Variants in CFAP20DC observed in about 807,000 individuals in gnomAD.
CFAP20DC encodes the protein protein CFAP20DC.
In CFAP20DC, 84 loss-of-function variants were observed where a neutral mutation model predicts 101.7. That is an observed-to-expected ratio of 0.83 (90% CI 0.69 to 0.99). The LOEUF (loss-of-function observed/expected upper bound fraction) is 0.99. Among genes scored for constraint, CFAP20DC ranks in the 50% least tolerant of loss-of-function variants. The pLI, the probability that CFAP20DC is intolerant of heterozygous loss-of-function variation, is 0.00. For missense variants in CFAP20DC, 1,007 were observed against 970.3 expected (o/e 1.04, Z -0.50); for synonymous variants, 359 against 351.2 (o/e 1.02, Z -0.25).
intron 13 of CFAP20DC, among the ~76,000 whole-genome samples, chr3:58,841,332 A>G (rs748591509): frequency 1.3e-5 from 2 of 152,198 alleles, no homozygotes; most frequent in Non-Finnish European, 2.9e-5. Context: ...GCAAATGGAA[A>G]GAGAGAGAGA....
chr3:59,039,805 GAAAA>G, intron 3 of CFAP20DC, among the ~76,000 whole-genome samples, 176 bp from the exon 4 acceptor site: 1 of 152,076 alleles, frequency 6.6e-6, no homozygotes, highest in East Asian at 1.9e-4. Flanking sequence ...AAAAATTGAT[GAAAA>G]TAAAATCAAA....
chr3:58,968,225 C>G (rs1235177756), intron 4 of CFAP20DC, among the ~76,000 whole-genome samples: 8 of 152,034 alleles, frequency 5.3e-5, no homozygotes, highest in Non-Finnish European at 1.0e-4. Flanking sequence ...GGATATATAC[C>G]CAGAAATGGG....
intron 16 of CFAP20DC, 80 bp downstream of exon 16, chr3:58,753,689 G>A: frequency 1.1e-6 from 1 of 918,868 alleles, no homozygotes; most frequent in Non-Finnish European, 1.7e-6. Context: ...AAAAACAGTG[G>A]CATCTCAAAG....
chr3:59,031,233 T>A (rs2093989272), intron 4 of CFAP20DC, among the ~76,000 whole-genome samples: 1 of 152,172 alleles, frequency 6.6e-6, no homozygotes, highest in African/African-American at 2.4e-5. Flanking sequence ...AAAAGAGGGC[T>A]CATCGGCAAA....
At position 58,742,546 on chromosome 3, in the gene CFAP20DC, C is replaced by T; in HGVS notation, c.2359G>A (p.Asp787Asn). ...QGEEDLSVEE[D>N]EEVLTLLYDP... ...TACAACAAAGTCAGTACTTCCTCGT[C>T]CTCTTCCACACTGAGGTCTTCTTCA... The change falls in exon 17 of 17, where the codon GAC becomes AAC. Residue 787 changes from aspartate (D) to asparagine (N), a missense_variant. By Grantham distance (23) the Asp-to-Asn change is conservative (BLOSUM62 1). Transcript: ENST00000482387. 6.2e-7 allele frequency: 1 copy of T among 1,606,602 alleles called. No homozygotes were observed. The highest frequency in any genetic ancestry group is 1.1e-5 in the South Asian group (1 of 89,434).
chr3:58,742,970 G>A (rs1173489140), intron 16 of CFAP20DC, among the ~76,000 whole-genome samples: 1 of 152,140 alleles, frequency 6.6e-6, no homozygotes, highest in Non-Finnish European at 1.5e-5. Context: ...GCAAAACAGT[G>A]CAAACTAACT....
At chr3:59,043,912 G>T (rs1699636349) in intron 3 of CFAP20DC, among the ~76,000 whole-genome samples, 1 of 152,016 alleles carries the variant, frequency 6.6e-6, no homozygotes, top group African/African-American at 2.4e-5. Flanking sequence ...CAAACTTATT[G>T]AACACCAACC....
chr3:58,955,161 G>T (rs1255889825), intron 4 of CFAP20DC, among the ~76,000 whole-genome samples: 1 of 151,896 alleles, frequency 6.6e-6, no homozygotes, highest in Admixed American at 6.6e-5. Context: ...GACCAAGAAG[G>T]GCAGAACAAA....
rs1246798385 is a variant in CFAP20DC, at chr3:58,971,618, T to C, written c.279-33856A>G. The stretch of plus-strand genomic sequence containing the variant: ...ACATGGATATTCATGGTAACACTAA[T>C]AGCAAAACAGAGGGAAAACTTGGAG... On this transcript the variant is annotated intron_variant, in intron 4 of 16. Transcript: ENST00000482387. This position sits in a 1 kb window ranked among gnomAD's most constrained non-coding sequence, Gnocchi z 4.1. Among the ~76,000 whole-genome samples the C allele has an allele frequency of 1.3e-5, 2 of 152,080 alleles. No homozygotes were observed. Among genetic ancestry groups the C allele is most frequent in the African/African-American group, 2.4e-5 (1 of 41,396 alleles).
At chr3:58,880,753 CTT>C (rs1261404480) in intron 7 of CFAP20DC, among the ~76,000 whole-genome samples, 1 of 152,066 alleles carries the variant, frequency 6.6e-6, no homozygotes, top group Non-Finnish European at 1.5e-5. Context: ...TTATTTCACA[CTT>C]AAAATTTTTT....
At chr3:58,763,891 C>T (rs956692499) in intron 15 of CFAP20DC, among the ~76,000 whole-genome samples, 5 of 152,206 alleles carry the variant, frequency 3.3e-5, no homozygotes, top group Admixed American at 6.5e-5. Context: ...CTGATAGTTC[C>T]TCTGGAAGTT....
intron 5 of CFAP20DC, among the ~76,000 whole-genome samples, chr3:58,930,669 A>G (rs1172444764): frequency 6.6e-6 from 1 of 152,150 alleles, no homozygotes; most frequent in African/African-American, 2.4e-5. Flanking sequence ...AGACCTCAAA[A>G]TATTGTTTTG....
chr3:58,888,554 C>T (rs980054153), intron 6 of CFAP20DC, among the ~76,000 whole-genome samples: 2 of 152,176 alleles, frequency 1.3e-5, no homozygotes, highest in African/African-American at 2.4e-5. Flanking sequence ...CTTCCTGATG[C>T]TCTCCTTTCC....
chr3:58,730,937 G>A (rs746654086), intron 3 of CFAP20DC, among the ~76,000 whole-genome samples: 4 of 152,072 alleles, frequency 2.6e-5, no homozygotes, highest in East Asian at 1.9e-4. Context: ...GAGAAAACAC[G>A]GATGCCTCTG....
chr3:58,975,846 C>G (rs566111327), intron 4 of CFAP20DC, among the ~76,000 whole-genome samples: 13 of 151,674 alleles, frequency 8.6e-5, no homozygotes, highest in African/African-American at 2.9e-4. Context: ...GGGAGTAGCT[C>G]TGAGTATATG....
intron 3 of CFAP20DC, chr3:58,725,860 A>G (rs1269134755): frequency 1.0e-5 from 2 of 192,830 alleles, no homozygotes; most frequent in Non-Finnish European, 2.1e-5. Context: ...TCTGGTTTTT[A>G]TTTTTTTGGG....
At chr3:58,906,618 T>G (rs1248748333) in intron 6 of CFAP20DC, among the ~76,000 whole-genome samples, 1 of 152,206 alleles carries the variant, frequency 6.6e-6, no homozygotes, top group Non-Finnish European at 1.5e-5. Context: ...AAAATAATTA[T>G]TAATACTTTT....
intron 4 of CFAP20DC, among the ~76,000 whole-genome samples, chr3:58,981,573 C>G (rs1304360896): frequency 1.3e-5 from 2 of 152,216 alleles, no homozygotes; most frequent in Non-Finnish European, 2.9e-5. Flanking sequence ...ACCATCTGGT[C>G]TTTGACAAAC....
At chr3:58,757,893 T>C (rs2069113922) in intron 15 of CFAP20DC, among the ~76,000 whole-genome samples, 1 of 152,164 alleles carries the variant, frequency 6.6e-6, no homozygotes, top group South Asian at 2.1e-4. Flanking sequence ...TTACAAAGTA[T>C]AATGTAAAAA....
Sources: allele counts gnomAD v4.1 joint callset (sites outside exome capture counted in the v4.1 genomes callset), GRCh38; gene constraint gnomAD v4.1.1; non-coding constraint Gnocchi (gnomAD v3.1); transcripts MANE v1.5; gene names NCBI Gene and HGNC (gene_info 2026-07-23, HGNC 2026-07-21).